Variants in WASHC5 observed in about 807,000 individuals in gnomAD.
WASHC5 encodes the protein WASH complex subunit 5.
A neutral mutation model predicts 150.4 loss-of-function variants in WASHC5; 101 were observed. That is an observed-to-expected ratio of 0.67 (90% CI 0.57 to 0.79). The LOEUF (loss-of-function observed/expected upper bound fraction) is 0.79, where lower values mean the gene tolerates loss of function less well. Ranked by LOEUF, WASHC5 falls within the 30% of genes least tolerant of loss-of-function variation. WASHC5 has a pLI of 0.00. For synonymous variants in WASHC5, 467 were observed against 491.2 expected, an observed-to-expected ratio of 0.95 and a Z score of 0.65; for missense variants, 1,195 against 1,396.3, an observed-to-expected ratio of 0.86 and a Z score of 2.30.
At position 125,083,710 on chromosome 8, in the gene WASHC5, T is replaced by C. The variant is rs753027571; in HGVS notation, c.186+3A>G. 1.7e-5 allele frequency: 27 copies of C among 1,605,972 alleles called. No individual in the cohort carries two copies. The highest frequency in any genetic ancestry group is 2.1e-5 in the Non-Finnish European group (25 of 1,173,516). On this transcript the variant is annotated splice_donor_region_variant and intron_variant, in intron 2 of 28. Transcript: ENST00000318410. ...CAATAAAAATGCTATAGAGGAAGAT[T>C]ACCTTAAAATAGCTGAAATCAAATA...
intron 9 of WASHC5, among the ~76,000 whole-genome samples, chr8:125,072,548 ACT>A (rs1816930665): frequency 6.6e-6 from 1 of 151,746 alleles, no homozygotes; most frequent in Non-Finnish European, 1.5e-5. Flanking sequence ...TAATTTTTTT[ACT>A]TTTTGTAGAG....
intron 15 of WASHC5, among the ~76,000 whole-genome samples, chr8:125,057,215 C>T (rs1816434542): frequency 6.6e-6 from 1 of 152,192 alleles, no homozygotes; most frequent in Non-Finnish European, 1.5e-5. Context: ...CTGAACTGGG[C>T]TCTGACCGGG....
At chr8:125,033,935 T>C (rs1248074835) in intron 26 of WASHC5, among the ~76,000 whole-genome samples, 1 of 152,186 alleles carries the variant, frequency 6.6e-6, no homozygotes, top group Non-Finnish European at 1.5e-5. Flanking sequence ...TAAAAACTTC[T>C]GCTCATTAAA....
At chr8:125,036,292 A>C (rs924640911) in intron 26 of WASHC5, among the ~76,000 whole-genome samples, 3 of 152,234 alleles carry the variant, frequency 2.0e-5, no homozygotes, top group African/African-American at 4.8e-5. Flanking sequence ...AACATTAAAG[A>C]AGAGAATCAA....
intron 12 of WASHC5, among the ~76,000 whole-genome samples, chr8:125,060,634 ATT>A (rs144428858): frequency 6.6e-6 from 1 of 152,038 alleles, no homozygotes; most frequent in Non-Finnish European, 1.5e-5. Flanking sequence ...ACAATAAACT[ATT>A]TTTTTCAGAA....
intron 10 of WASHC5, among the ~76,000 whole-genome samples, chr8:125,064,392 T>TG (rs1232667655): frequency 6.6e-6 from 1 of 151,480 alleles, no homozygotes; most frequent in Non-Finnish European, 1.5e-5. Flanking sequence ...TTTATTTTTT[T>TG]TTTTTTTGCA....
At chr8:125,048,398 T>C (rs573541977) in intron 19 of WASHC5, among the ~76,000 whole-genome samples, 68 of 152,336 alleles carry the variant, frequency 4.5e-4, no homozygotes, top group Non-Finnish European at 2.1e-4. Flanking sequence ...AAAGGACTTT[T>C]ATGCACATTT....
chr8:125,059,328 G>A, intron 13 of WASHC5, 31 bp from the exon 14 acceptor site: 1 of 1,613,284 alleles, frequency 6.2e-7, no homozygotes, highest in South Asian at 1.1e-5. Flanking sequence ...GTAAGAAGAT[G>A]TTCCTAGGGC....
chr8:125,050,922 G>A (rs1225047319), intron 17 of WASHC5, among the ~76,000 whole-genome samples: 1 of 152,188 alleles, frequency 6.6e-6, no homozygotes, highest in Non-Finnish European at 1.5e-5. Flanking sequence ...TTCAAAGACG[G>A]TGAATAAGGA....
chr8:125,077,468 C>T (rs1817099064), intron 6 of WASHC5, among the ~76,000 whole-genome samples: 1 of 152,224 alleles, frequency 6.6e-6, no homozygotes, highest in African/African-American at 2.4e-5. Context: ...TTCCATCACC[C>T]ATGACCAGGG....
intron 17 of WASHC5, among the ~76,000 whole-genome samples, chr8:125,052,270 T>TTCGTGAA (rs1816261002): frequency 6.6e-6 from 1 of 152,186 alleles, no homozygotes; most frequent in African/African-American, 2.4e-5. Context: ...GTTCAATGCT[T>TTCGTGAA]TCGTGAATCT....
At chr8:125,032,669 T>C (rs1233424283) in intron 26 of WASHC5, 1 of 443,182 alleles carries the variant, frequency 2.3e-6, no homozygotes, top group African/African-American at 2.0e-5. Context: ...ACATATATTA[T>C]TGTAGCAATT....
chr8:125,063,441 T>C, intron 11 of WASHC5, 81 bp downstream of exon 11: 13 of 1,445,230 alleles, frequency 9.0e-6, no homozygotes, highest in Non-Finnish European at 1.3e-5. Flanking sequence ...CATAAAGTCT[T>C]TTTAACCTGC....
intron 17 of WASHC5, among the ~76,000 whole-genome samples, chr8:125,054,354 T>A (rs184318271): frequency 6.6e-6 from 1 of 152,330 alleles, no homozygotes; most frequent in Non-Finnish European, 1.5e-5. Context: ...CAAAAGCACA[T>A]GCACACATCA....
At chr8:125,050,379 T>A (rs1049590652) in intron 18 of WASHC5, among the ~76,000 whole-genome samples, 185 bp downstream of exon 18, 1 of 152,188 alleles carries the variant, frequency 6.6e-6, no homozygotes, top group Non-Finnish European at 1.5e-5. Context: ...ATTTATACTA[T>A]AAATTTATAA....
intron 7 of WASHC5, 93 bp from the exon 8 acceptor site, chr8:125,075,204 A>T (rs1434350558): frequency 3.7e-6 from 3 of 811,070 alleles, no homozygotes; most frequent in Non-Finnish European, 2.2e-6. Flanking sequence ...TACCCACTCC[A>T]TGTTTAAATT....
intron 19 of WASHC5, among the ~76,000 whole-genome samples, chr8:125,048,181 G>T (rs1171613036): frequency 1.3e-5 from 2 of 152,210 alleles, no homozygotes; most frequent in African/African-American, 4.8e-5. Context: ...TGTCTTATGA[G>T]TTGACATGCA....
intron 26 of WASHC5, among the ~76,000 whole-genome samples, chr8:125,036,789 C>A (rs1815720972): frequency 6.6e-6 from 1 of 152,170 alleles, no homozygotes; most frequent in African/African-American, 2.4e-5. Context: ...GTGGGCGGAT[C>A]ACCTGAGGTC....
At chr8:125,039,564 C>T (rs1039412702) in intron 24 of WASHC5, among the ~76,000 whole-genome samples, 1 of 152,064 alleles carries the variant, frequency 6.6e-6, no homozygotes, top group Non-Finnish European at 1.5e-5. Context: ...TACCTGTCTG[C>T]TGAATACACG....
Sources: gnomAD v4.1 joint callset for allele counts (sites outside exome capture counted in the v4.1 genomes callset) on GRCh38, gnomAD v4.1.1 for gene constraint, MANE v1.5 for transcripts, NCBI Gene and HGNC (gene_info 2026-07-23, HGNC 2026-07-21) for gene names.